SNX6: variants seen among roughly 807,000 people sequenced by gnomAD.
SNX6 encodes sorting nexin 6.
In SNX6, 34 loss-of-function variants were observed where a neutral mutation model predicts 63.0. The ratio of observed to expected loss-of-function variants is 0.54; its 90% CI spans 0.41 to 0.72. The LOEUF is 0.72. Among genes scored for constraint, SNX6 ranks in the 30% least tolerant of loss-of-function variants. The probability of loss-of-function intolerance (pLI) is 0.00; values close to 1 mark genes in which losing one functional copy is unlikely to be tolerated. For synonymous variants in SNX6, 170 were observed against 164.2 expected (o/e 1.04, Z -0.27); for missense variants, 398 against 471.4 (o/e 0.84, Z 1.44).
intron 11 of SNX6, chr14:34,568,781 C>A: frequency 1.0e-6 from 1 of 955,648 alleles, no homozygotes; most frequent in South Asian, 1.3e-5. Context: ...CCATCTTGGT[C>A]CTTTTCCACC....
At chr14:34,604,249 G>C (rs747055478) in intron 5 of SNX6, 11 of 1,284,646 alleles carry the variant, frequency 8.6e-6, no homozygotes, top group Non-Finnish European at 1.1e-5. Flanking sequence ...ATAAACCCAA[G>C]GTTCTCTGTT....
intron 9 of SNX6, among the ~76,000 whole-genome samples, chr14:34,582,567 T>C (rs942208849): frequency 2.0e-5 from 3 of 151,950 alleles, no homozygotes; most frequent in Non-Finnish European, 4.4e-5. Context: ...GTTGTTGTTA[T>C]TGAGACTGAA....
chr14:34,615,967 AT>A (rs1240594204), intron 2 of SNX6, among the ~76,000 whole-genome samples: 1 of 151,584 alleles, frequency 6.6e-6, no homozygotes, highest in African/African-American at 2.4e-5. Flanking sequence ...TTTTATTTTT[AT>A]TTTTTTGAGG....
chr14:34,630,133 G>A lies in SNX6; in HGVS notation c.-17C>T, dbSNP rs1398870116. The A allele has an allele frequency of 5.6e-5, 74 of 1,329,140 alleles. No homozygotes were observed. The East Asian group carries it at 2.2e-3, about 39-fold the overall frequency. The allele number at this position is 1,329,140 out of a possible 1,614,324, so 82.3% of individuals were successfully genotyped here. A position where few individuals can be genotyped will look rare whatever the true frequency, so the allele number is the denominator to read the frequency against. ...CACCATCATGGCTGCTCCGAGGCGA[G>A]GGCCGGCGCAGGCGCGCATCTCCCT... On this transcript the variant is annotated 5_prime_UTR_variant, in exon 1 of 14. Transcript: ENST00000362031.
intron 8 of SNX6, among the ~76,000 whole-genome samples, chr14:34,588,910 G>A (rs2138311742): frequency 6.6e-6 from 1 of 152,166 alleles, no homozygotes; most frequent in East Asian, 1.9e-4. Flanking sequence ...GAGGCAGGTC[G>A]ATCACATGAG....
intron 2 of SNX6, among the ~76,000 whole-genome samples, chr14:34,621,077 T>C (rs1883604669): frequency 1.3e-5 from 2 of 152,154 alleles, no homozygotes; most frequent in Non-Finnish European, 2.9e-5. Context: ...GCCTCCCAAG[T>C]AGCTAGGACT....
intron 8 of SNX6, 80 bp from the exon 9 acceptor site, chr14:34,586,385 TG>T (rs1882158565): frequency 1.2e-4 from 106 of 858,556 alleles, no homozygotes; most frequent in South Asian, 2.2e-4. Context: ...TCTCAAACAA[TG>T]TGTAATATGA....
intron 11 of SNX6, among the ~76,000 whole-genome samples, chr14:34,572,728 C>T (rs1365411799): frequency 6.6e-6 from 1 of 151,696 alleles, no homozygotes; most frequent in Non-Finnish European, 1.5e-5. Flanking sequence ...TCCCCCAGGC[C>T]GGAGTGCCGT....
intron 10 of SNX6, among the ~76,000 whole-genome samples, chr14:34,577,044 T>C (rs1023814086): frequency 6.6e-6 from 1 of 151,938 alleles, no homozygotes; most frequent in East Asian, 2.0e-4. Context: ...AGCGAGAGAC[T>C]GTCTCAAAAA....
chr14:34,627,255 G>A lies in SNX6; in HGVS notation c.54+2652C>T, dbSNP rs557083001. On this transcript the variant is annotated intron_variant, in intron 2 of 13. Transcript: ENST00000362031. ...AGGTCAGGAGATCGAGACCATCCTG[G>A]CTAACACGGTGAAACCCCGTCTCTA... Among the ~76,000 whole-genome samples, 5 of 152,154 alleles carry A rather than the reference G, an allele frequency of 3.3e-5. No individual in the cohort carries two copies. In the East Asian group the frequency reaches 9.7e-4, roughly 30 times the overall value.
intron 2 of SNX6, among the ~76,000 whole-genome samples, chr14:34,613,487 T>C (rs1179606319): frequency 6.6e-6 from 1 of 152,120 alleles, no homozygotes; most frequent in Admixed American, 6.6e-5. Flanking sequence ...ATCAACCTGG[T>C]TGCTTGTTAA....
intron 5 of SNX6, among the ~76,000 whole-genome samples, chr14:34,604,722 G>A (rs914060951): frequency 2.6e-5 from 4 of 151,876 alleles, no homozygotes; most frequent in South Asian, 2.1e-4. Context: ...ATCCCTACCC[G>A]AAAATCTGAA....
chr14:34,571,196 G>A (rs555428615), intron 11 of SNX6, among the ~76,000 whole-genome samples: 19 of 152,008 alleles, frequency 1.2e-4, no homozygotes, highest in African/African-American at 4.6e-4. Context: ...CACTTTGGGA[G>A]GCTGAGGCAG....
At chr14:34,569,578 C>T (rs1045083376) in intron 11 of SNX6, among the ~76,000 whole-genome samples, 6 of 152,148 alleles carry the variant, frequency 3.9e-5, no homozygotes, top group African/African-American at 1.4e-4. Context: ...AGGCGTGTGC[C>T]ACCAAGCCTG....
At chr14:34,592,492 T>C (rs1180402128) in intron 8 of SNX6, among the ~76,000 whole-genome samples, 1 of 152,206 alleles carries the variant, frequency 6.6e-6, no homozygotes, top group African/African-American at 2.4e-5. Context: ...AGCAACTTTA[T>C]CCATCATCGG....
intron 9 of SNX6, among the ~76,000 whole-genome samples, chr14:34,582,667 T>A (rs1389080628): frequency 6.6e-6 from 1 of 152,116 alleles, no homozygotes; most frequent in African/African-American, 2.4e-5. Context: ...TGCTTCAGCC[T>A]CCTAAGTAGC....
At chr14:34,620,353 G>A (rs558558414) in intron 2 of SNX6, among the ~76,000 whole-genome samples, 10 of 152,226 alleles carry the variant, frequency 6.6e-5, no homozygotes, top group South Asian at 4.1e-4. Flanking sequence ...GGTGGCACAC[G>A]CCTGTAGTCC....
At chr14:34,572,741 C>CGCGATCTCGGCTCACT (rs1411238059) in intron 11 of SNX6, among the ~76,000 whole-genome samples, 1 of 151,818 alleles carries the variant, frequency 6.6e-6, no homozygotes, top group African/African-American at 2.4e-5. Flanking sequence ...AGTGCCGTGG[C>CGCGATCTCGGCTCACT]GCGATCTCGG....
At chr14:34,587,248 C>T (rs1882202307) in intron 8 of SNX6, among the ~76,000 whole-genome samples, 1 of 151,220 alleles carries the variant, frequency 6.6e-6, no homozygotes. Context: ...AAAAACATAA[C>T]ATGGCCGGGC....
Sources: gnomAD v4.1 joint callset for allele counts (sites outside exome capture counted in the v4.1 genomes callset) on GRCh38, gnomAD v4.1.1 for gene constraint, MANE v1.5 for transcripts, NCBI Gene and HGNC (gene_info 2026-07-23, HGNC 2026-07-21) for gene names.